The following CA10 variants were observed in gnomAD, a reference collection of about 807,000 sequenced individuals.
CA10 encodes the protein carbonic anhydrase 10 (inactive).
Under a neutral mutation model 44.2 loss-of-function variants are expected in CA10, and 14 were observed. The observed-to-expected ratio is 0.32, with a 90% CI of 0.21 to 0.50. The LOEUF is 0.50. Among genes scored for constraint, CA10 ranks in the 20% least tolerant of loss-of-function variants. CA10 has a pLI of 0.99. For missense variants in CA10, 350 were observed against 409.7 expected (o/e 0.85, Z 1.26); for synonymous variants, 159 against 141.6 (o/e 1.12, Z -0.87).
At chr17:52,076,544 C>CT (rs1340903706) in intron 1 of CA10, among the ~76,000 whole-genome samples, 2 of 152,156 alleles carry the variant, frequency 1.3e-5, no homozygotes, top group Admixed American at 1.3e-4. Flanking sequence ...CATTTGATGT[C>CT]TATCAATTAC....
chr17:52,046,258 C>A (rs1196685920), intron 2 of CA10, among the ~76,000 whole-genome samples: 1 of 149,984 alleles, frequency 6.7e-6, no homozygotes, highest in African/African-American at 2.4e-5. Context: ...TCCATGACAC[C>A]AACCAAGAAC....
intron 1 of CA10, among the ~76,000 whole-genome samples, chr17:52,073,275 G>A (rs933126365): frequency 4.6e-5 from 7 of 151,980 alleles, no homozygotes; most frequent in Non-Finnish European, 7.4e-5. Context: ...AAGTTCTAGG[G>A]AAAAGACTCA....
At chr17:52,020,942 G>A (rs1162621897) in intron 2 of CA10, among the ~76,000 whole-genome samples, 1 of 151,908 alleles carries the variant, frequency 6.6e-6, no homozygotes, top group Non-Finnish European at 1.5e-5. Context: ...TAGTATAATG[G>A]CCTCCAGCAT....
At chr17:51,714,721 A>G (rs1177709807) in intron 4 of CA10, among the ~76,000 whole-genome samples, 1 of 152,226 alleles carries the variant, frequency 6.6e-6, no homozygotes, top group African/African-American at 2.4e-5. Context: ...GAGAGAGAAG[A>G]AGGAATTACA....
At chr17:51,887,556 C>T (rs1022509982) in intron 3 of CA10, among the ~76,000 whole-genome samples, 8 of 152,202 alleles carry the variant, frequency 5.3e-5, no homozygotes, top group Admixed American at 2.6e-4. Context: ...CTGCCAATTA[C>T]TTTTGGTTCA....
chr17:52,092,896 T>C lies in CA10; in HGVS notation c.62-20503A>G, dbSNP rs1483256757. On this transcript the variant is annotated intron_variant, in intron 1 of 8. Coordinates refer to ENST00000451037, the MANE Select transcript of CA10 (RefSeq NM_020178.5). Reference sequence around the variant, plus strand: ...TCTATTCTCTGTAAAAAATAAAAGGTAAAATAATTTGTCTATGTAAGTCCT... The same window carrying C: ...TCTATTCTCTGTAAAAAATAAAAGGCAAAATAATTTGTCTATGTAAGTCCT... Among the ~76,000 whole-genome samples the C allele has an allele frequency of 2.6e-5, 4 of 152,290 alleles. No individual in the cohort carries two copies. The East Asian group carries it at 7.7e-4, about 29-fold the overall frequency.
intron 3 of CA10, among the ~76,000 whole-genome samples, chr17:51,820,269 G>A (rs891336167): frequency 2.9e-5 from 4 of 137,776 alleles, no homozygotes; most frequent in East Asian, 2.2e-4. Flanking sequence ...ACTCCAATGC[G>A]TTCTTTTCTT....
At chr17:51,834,755 A>C (rs1478041541) in intron 3 of CA10, among the ~76,000 whole-genome samples, 1 of 152,252 alleles carries the variant, frequency 6.6e-6, no homozygotes, top group African/African-American at 2.4e-5. Flanking sequence ...GTTGAGCTCC[A>C]GATTCCTCAA....
At chr17:52,072,074 C>T (rs1987694196) in intron 2 of CA10, among the ~76,000 whole-genome samples, 1 of 152,186 alleles carries the variant, frequency 6.6e-6, no homozygotes, top group South Asian at 2.1e-4. Flanking sequence ...AGCTTCGGCC[C>T]TTAATCATCC....
chr17:51,933,012 C>T (rs203093), intron 2 of CA10, among the ~76,000 whole-genome samples: 339 of 152,022 alleles, frequency 2.2e-3, no homozygotes, highest in African/African-American at 7.7e-3. Flanking sequence ...AGTCTTTGTC[C>T]GTAACGCACA....
intron 4 of CA10, among the ~76,000 whole-genome samples, chr17:51,743,094 T>C (rs1345341830): frequency 6.6e-6 from 1 of 152,176 alleles, no homozygotes; most frequent in Non-Finnish European, 1.5e-5. Flanking sequence ...GTGGATGAAA[T>C]TAACAGGAGG....
At chr17:51,733,804 T>C (rs1916801735) in intron 4 of CA10, among the ~76,000 whole-genome samples, 1 of 152,188 alleles carries the variant, frequency 6.6e-6, no homozygotes, top group African/African-American at 2.4e-5. Context: ...CCTAAGTAGA[T>C]GATGCTGATA....
At chr17:52,121,466 G>T (rs1166666972) in intron 1 of CA10, among the ~76,000 whole-genome samples, 1 of 152,168 alleles carries the variant, frequency 6.6e-6, no homozygotes, top group Non-Finnish European at 1.5e-5. Flanking sequence ...AGTATGTGCT[G>T]CAGAACAGAG....
chr17:52,146,654 G>C (rs552426228), intron 1 of CA10, among the ~76,000 whole-genome samples: 1 of 151,966 alleles, frequency 6.6e-6, no homozygotes, highest in South Asian at 2.1e-4. Flanking sequence ...CCCACCGACA[G>C]AGCGAGACTC....
intron 2 of CA10, among the ~76,000 whole-genome samples, chr17:52,040,966 C>T (rs1358983339): frequency 6.6e-6 from 1 of 151,880 alleles, no homozygotes; most frequent in Non-Finnish European, 1.5e-5. Context: ...AGTTTGTATT[C>T]CCAACAGGTA....
chr17:52,129,438 C>T (rs777522713), intron 1 of CA10, among the ~76,000 whole-genome samples: 1 of 152,132 alleles, frequency 6.6e-6, no homozygotes, highest in Non-Finnish European at 1.5e-5. Context: ...GAGGTAGATG[C>T]CATTGCTATC....
intron 3 of CA10, among the ~76,000 whole-genome samples, chr17:51,881,026 A>T (rs965152019): frequency 6.6e-6 from 1 of 152,036 alleles, no homozygotes; most frequent in East Asian, 1.9e-4. Flanking sequence ...TCATGAGGTC[A>T]GGAGATCGAG....
intron 3 of CA10, among the ~76,000 whole-genome samples, chr17:51,750,752 A>T (rs1170980827): frequency 6.6e-6 from 1 of 152,268 alleles, no homozygotes; most frequent in East Asian, 1.9e-4. Context: ...ATTCTGTGGT[A>T]TAAAAGGCAA....
chr17:51,905,743 C>T (rs1297283428), intron 3 of CA10, among the ~76,000 whole-genome samples: 1 of 152,032 alleles, frequency 6.6e-6, no homozygotes, highest in Non-Finnish European at 1.5e-5. Context: ...TCCCACATTA[C>T]TCTAGTCAAC....
Sources: allele counts gnomAD v4.1 joint callset (sites outside exome capture counted in the v4.1 genomes callset), GRCh38; gene constraint gnomAD v4.1.1; transcripts MANE v1.5; gene names NCBI Gene and HGNC (gene_info 2026-07-23, HGNC 2026-07-21).